Variants in AGBL1 observed in about 807,000 individuals in gnomAD.
AGBL1 encodes cytosolic carboxypeptidase 4.
AGBL1 carries 130 observed loss-of-function variants against 118.9 expected under a neutral mutation model. The observed-to-expected ratio is 1.09, with a 90% CI of 0.95 to 1.26. The LOEUF (loss-of-function observed/expected upper bound fraction) is 1.26, where lower values mean the gene tolerates loss of function less well. Ranked by LOEUF, AGBL1 falls within the 50% of genes most tolerant of loss-of-function variation. The pLI is 0.00. For synonymous variants in AGBL1, 555 were observed against 478.9 expected (o/e 1.16, Z -2.08); for missense variants, 1,584 against 1,298.1 (o/e 1.22, Z -3.38).
chr15:86,081,570 C>G (rs76135569), intron 1 of AGBL1, among the ~76,000 whole-genome samples: 1 of 152,158 alleles, frequency 6.6e-6, no homozygotes, highest in Admixed American at 6.5e-5. Flanking sequence ...ACCAGGGGTA[C>G]TGGAGGCAGG....
At chr15:86,527,164 C>G (rs2083279548) in intron 19 of AGBL1, among the ~76,000 whole-genome samples, 1 of 152,166 alleles carries the variant, frequency 6.6e-6, no homozygotes, top group African/African-American at 2.4e-5. Flanking sequence ...AAGTATGTTT[C>G]TCTGAGTAGA....
At chr15:86,296,123 G>C (rs979266509) in intron 17 of AGBL1, 3 of 151,582 alleles carry the variant, frequency 2.0e-5, no homozygotes, top group Non-Finnish European at 2.9e-5. Flanking sequence ...TTGGGCTTCT[G>C]TGCCTAAGTG....
chr15:86,283,606 T>G (rs549654332), intron 16 of AGBL1, among the ~76,000 whole-genome samples: 141 of 152,196 alleles, frequency 9.3e-4, no homozygotes, highest in East Asian at 1.4e-3. Context: ...ATGAAGAGTT[T>G]AAGAAGTGTC....
chr15:86,936,565 TC>T (rs1212450325), intron 23 of AGBL1, among the ~76,000 whole-genome samples: 3 of 152,172 alleles, frequency 2.0e-5, no homozygotes, highest in African/African-American at 7.2e-5. Context: ...GCCTCCCTAG[TC>T]AATAAATGGT....
intron 22 of AGBL1, among the ~76,000 whole-genome samples, chr15:86,904,719 A>C (rs928647083): frequency 6.7e-6 from 1 of 150,248 alleles, no homozygotes; most frequent in Non-Finnish European, 1.5e-5. Flanking sequence ...TTTGTTATAA[A>C]ACACTAAAAT....
chr15:86,713,657 G>T (rs563799706), intron 22 of AGBL1, among the ~76,000 whole-genome samples: 150 of 152,252 alleles, frequency 9.9e-4, no homozygotes, highest in African/African-American at 3.5e-3. Context: ...TCTTCAAAGT[G>T]TTTCAGGTCA....
At chr15:86,119,332 G>T (rs1461159419) in intron 1 of AGBL1, among the ~76,000 whole-genome samples, 1 of 150,856 alleles carries the variant, frequency 6.6e-6, no homozygotes, top group Non-Finnish European at 1.5e-5. Flanking sequence ...GCAGATTTTT[G>T]TCTTTGCTTT....
intron 18 of AGBL1, among the ~76,000 whole-genome samples, chr15:86,405,013 G>T (rs911837764): frequency 6.6e-6 from 1 of 152,192 alleles, no homozygotes; most frequent in African/African-American, 2.4e-5. Flanking sequence ...CTAACCAGGG[G>T]GTCCCCGTAG....
chr15:86,503,538 A>G (rs1048772542), intron 18 of AGBL1, among the ~76,000 whole-genome samples: 2 of 150,876 alleles, frequency 1.3e-5, no homozygotes, highest in African/African-American at 4.8e-5. Flanking sequence ...TGTGATTGTT[A>G]TGTTTTAAAA....
At chr15:86,518,525 A>G (rs112834775) in intron 18 of AGBL1, among the ~76,000 whole-genome samples, 30 of 152,246 alleles carry the variant, frequency 2.0e-4, no homozygotes, top group East Asian at 1.2e-3. Context: ...TAAAATGACC[A>G]TATTTTCTGG....
intron 1 of AGBL1, among the ~76,000 whole-genome samples, chr15:86,112,083 G>T (rs1350433609): frequency 4.6e-5 from 7 of 152,040 alleles, no homozygotes. Context: ...GGCTCCCACT[G>T]ATTCTACATT....
chr15:87,012,585 G>A (rs892481669), intron 24 of AGBL1, among the ~76,000 whole-genome samples: 2 of 152,104 alleles, frequency 1.3e-5, no homozygotes, highest in Non-Finnish European at 2.9e-5. Flanking sequence ...GGTAAGGAAA[G>A]GAATACTGAG....
At chr15:86,547,011 A>G (rs975172833) in intron 20 of AGBL1, among the ~76,000 whole-genome samples, 5 of 152,096 alleles carry the variant, frequency 3.3e-5, no homozygotes, top group Admixed American at 6.6e-5. Flanking sequence ...CCACCAAGTC[A>G]CCATTTCACC....
chr15:86,664,684 A>T (rs906269975), intron 21 of AGBL1, among the ~76,000 whole-genome samples: 7 of 152,206 alleles, frequency 4.6e-5, no homozygotes, highest in African/African-American at 1.7e-4. Context: ...CAGGTAGTTC[A>T]TGGGAAGGAA....
In AGBL1 at chr15:86,230,762, T is replaced by G. The variant is rs1039750942; in HGVS notation, c.526+5811T>G. ...AAAGTTAAAATGTATATATTTGTGG[T>G]GCACCACATGATGCTTTGAAATATG... On this transcript the variant is annotated intron_variant, in intron 6 of 22. Coordinates refer to ENST00000614907, the MANE Select transcript of AGBL1 (RefSeq NM_001386094.1). 5.3e-5 allele frequency among the ~76,000 whole-genome samples: 8 copies of G among 152,252 alleles called. 1 individual carries two copies. Among genetic ancestry groups the G allele is most frequent in the Middle Eastern group, 6.3e-3 (2 of 316 alleles).
At chr15:86,276,361 T>G (rs902658482) in intron 15 of AGBL1, among the ~76,000 whole-genome samples, 4 of 152,208 alleles carry the variant, frequency 2.6e-5, no homozygotes, top group Admixed American at 2.6e-4. Context: ...ACTATACTTG[T>G]TGTGTGGAAT....
intron 18 of AGBL1, among the ~76,000 whole-genome samples, chr15:86,504,697 C>T (rs1035343650): frequency 1.1e-4 from 16 of 151,546 alleles, no homozygotes; most frequent in African/African-American, 3.6e-4. Flanking sequence ...TTTCCTTCCC[C>T]TTTCTTTGTG....
intron 17 of AGBL1, among the ~76,000 whole-genome samples, chr15:86,331,022 G>A (rs1168996165): frequency 2.6e-5 from 4 of 152,020 alleles, no homozygotes; most frequent in African/African-American, 4.8e-5. Context: ...TCAGGAGTTC[G>A]AGACCAGGCT....
At chr15:86,795,582 G>C (rs957973234) in intron 22 of AGBL1, among the ~76,000 whole-genome samples, 2 of 142,944 alleles carry the variant, frequency 1.4e-5, no homozygotes, top group African/African-American at 5.3e-5. Flanking sequence ...CTTGCTTTCT[G>C]CTTGATTTTT....
Sources: gnomAD v4.1 joint callset for allele counts (sites outside exome capture counted in the v4.1 genomes callset) on GRCh38, gnomAD v4.1.1 for gene constraint, MANE v1.5 for transcripts, NCBI Gene and HGNC (gene_info 2026-07-23, HGNC 2026-07-21) for gene names.